The following EIF2B3 variants were observed in gnomAD, a reference collection of about 807,000 sequenced individuals.
The protein encoded by EIF2B3 is eukaryotic translation initiation factor 2B subunit gamma.
A neutral mutation model predicts 54.1 loss-of-function variants in EIF2B3; 20 were observed. The observed-to-expected ratio is 0.37, with a 90% confidence interval of 0.26 to 0.54. The LOEUF is 0.54. Ranked by LOEUF, EIF2B3 falls within the 20% of genes least tolerant of loss-of-function variation. EIF2B3 has a pLI of 0.86. For missense variants in EIF2B3, 448 were observed against 547.8 expected, an observed-to-expected ratio of 0.82 and a Z score of 1.82; for synonymous variants, 153 against 188.1, an observed-to-expected ratio of 0.81 and a Z score of 1.52.
At chr1:44,904,536 C>T (rs569373974) in intron 5 of EIF2B3, among the ~76,000 whole-genome samples, 14 of 151,716 alleles carry the variant, frequency 9.2e-5, no homozygotes, top group South Asian at 2.1e-4. Context: ...TTTTTTGAGA[C>T]GGAGTCTCGT....
intron 11 of EIF2B3, among the ~76,000 whole-genome samples, chr1:44,854,293 G>A (rs1034488955): frequency 1.3e-5 from 2 of 151,892 alleles, no homozygotes; most frequent in African/African-American, 4.8e-5. Context: ...GTGAGCTACA[G>A]CCTCTGTACC....
chr1:44,933,666 T>C (rs1037864540), intron 4 of EIF2B3, among the ~76,000 whole-genome samples: 3 of 152,074 alleles, frequency 2.0e-5, no homozygotes, highest in African/African-American at 7.2e-5. Flanking sequence ...AAAAAAGAAA[T>C]AGCACAGGTT....
intron 3 of EIF2B3, chr1:44,959,097 T>C (rs1396178673): frequency 1.3e-6 from 1 of 768,014 alleles, no homozygotes; most frequent in Non-Finnish European, 2.3e-6. Flanking sequence ...ATGATAGCCT[T>C]AGGCTACGTA....
rs556588242 is a variant in EIF2B3, at chr1:44,943,211, T to C, written c.295-1546A>G. Among the ~76,000 whole-genome samples, 8 of 151,734 alleles carry C rather than the reference T, an allele frequency of 5.3e-5. No homozygotes were observed. The South Asian group carries it at 8.4e-4, about 16-fold the overall frequency. ...TTAAAAAAAAAATAGAGACAGGGTC[T>C]CACTATGTTTCTCACTATGTAGTCC... On this transcript the variant is annotated intron_variant, in intron 3 of 11. Coordinates refer to ENST00000360403, the MANE Select transcript of EIF2B3 (RefSeq NM_020365.5).
intron 11 of EIF2B3, among the ~76,000 whole-genome samples, chr1:44,852,115 ATTTTTT>A (rs34314171): frequency 2.3e-5 from 3 of 133,278 alleles, no homozygotes; most frequent in Non-Finnish European, 3.2e-5. Flanking sequence ...CACATGGCTA[ATTTTTT>A]TTTTTTTTTT....
chr1:44,897,468 G>A, intron 5 of EIF2B3, 24 bp from the exon 6 acceptor site: 1 of 1,554,166 alleles, frequency 6.4e-7, no homozygotes, highest in Non-Finnish European at 8.8e-7. Context: ...AAAAATAAAA[G>A]AAAGAAAGAA....
chr1:44,904,988 CTACT>C (rs1239943926), intron 5 of EIF2B3, among the ~76,000 whole-genome samples: 1 of 152,202 alleles, frequency 6.6e-6, no homozygotes, highest in Non-Finnish European at 1.5e-5. Flanking sequence ...CCTATGGCTA[CTACT>C]TACTAGCTAC....
At chr1:44,925,071 C>T (rs539779112) in intron 5 of EIF2B3, 4 of 152,276 alleles carry the variant, frequency 2.6e-5, no homozygotes, top group South Asian at 2.1e-4. Flanking sequence ...GGCTCTTATG[C>T]ACTGTTGGTG....
intron 5 of EIF2B3, among the ~76,000 whole-genome samples, chr1:44,901,662 T>A (rs546816411): frequency 6.7e-6 from 1 of 150,250 alleles, no homozygotes; most frequent in East Asian, 2.0e-4. Flanking sequence ...TGGGCTCAGG[T>A]GATCCTCCCT....
intron 10 of EIF2B3, among the ~76,000 whole-genome samples, chr1:44,859,215 C>T (rs757112210): frequency 3.9e-5 from 6 of 152,216 alleles, no homozygotes; most frequent in Middle Eastern, 3.4e-3. Flanking sequence ...GTAGGAGGAT[C>T]GCTTAAGCAA....
intron 4 of EIF2B3, among the ~76,000 whole-genome samples, chr1:44,930,600 A>G (rs1643888302): frequency 6.6e-6 from 1 of 152,220 alleles, no homozygotes; most frequent in Non-Finnish European, 1.5e-5. Context: ...ACTAGATGAA[A>G]AGAAAAATCC....
chr1:44,886,775 C>T (rs1268982194), intron 6 of EIF2B3, among the ~76,000 whole-genome samples: 1 of 152,242 alleles, frequency 6.6e-6, no homozygotes, highest in Non-Finnish European at 1.5e-5. Context: ...TTCTGTACGT[C>T]ACTTCCTTTT....
At chr1:44,979,249 A>G (rs998577240) in intron 2 of EIF2B3, among the ~76,000 whole-genome samples, 1 of 151,034 alleles carries the variant, frequency 6.6e-6, no homozygotes, top group African/African-American at 2.4e-5. Context: ...TCTGTCTCAA[A>G]ACAAACAAAC....
intron 8 of EIF2B3, among the ~76,000 whole-genome samples, chr1:44,877,675 C>T (rs894628105): frequency 2.6e-5 from 4 of 152,208 alleles, no homozygotes; most frequent in African/African-American, 4.8e-5. Context: ...ACACTATTCC[C>T]TCTCCAGTGT....
intron 11 of EIF2B3, among the ~76,000 whole-genome samples, chr1:44,856,241 G>A (rs1223217512): frequency 3.3e-5 from 5 of 152,120 alleles, no homozygotes; most frequent in East Asian, 3.9e-4. Context: ...GGGGCTGGGC[G>A]CAGTGGCTCA....
At chr1:44,912,079 GC>G (rs1432164178) in intron 5 of EIF2B3, among the ~76,000 whole-genome samples, 1 of 151,372 alleles carries the variant, frequency 6.6e-6, no homozygotes, top group East Asian at 1.9e-4. Context: ...GTGTATATGT[GC>G]CACATTTTCT....
At chr1:44,887,726 G>C (rs1655642294) in intron 6 of EIF2B3, among the ~76,000 whole-genome samples, 1 of 152,180 alleles carries the variant, frequency 6.6e-6, no homozygotes, top group South Asian at 2.1e-4. Context: ...TCAACATGGT[G>C]AAACACCATC....
chr1:44,851,222 G>A (rs895008976), intron 11 of EIF2B3, among the ~76,000 whole-genome samples: 1 of 151,938 alleles, frequency 6.6e-6, no homozygotes, highest in African/African-American at 2.4e-5. Flanking sequence ...CCGCCACCAC[G>A]CCTGGCTAAC....
chr1:44,900,650 T>TA (rs1192295808), intron 5 of EIF2B3, among the ~76,000 whole-genome samples: 13 of 151,360 alleles, frequency 8.6e-5, no homozygotes, highest in African/African-American at 1.9e-4. Flanking sequence ...AAATAATAAT[T>TA]TAAAAAAAAC....
Sources: gnomAD v4.1 joint callset for allele counts (sites outside exome capture counted in the v4.1 genomes callset) on GRCh38, gnomAD v4.1.1 for gene constraint, MANE v1.5 for transcripts, NCBI Gene and HGNC (gene_info 2026-07-23, HGNC 2026-07-21) for gene names.